TALDO1: variants seen among roughly 807,000 people sequenced by gnomAD.
The protein encoded by TALDO1 is transaldolase 1.
In TALDO1, 29 loss-of-function variants were observed where a neutral mutation model predicts 38.1. The ratio of observed to expected loss-of-function variants is 0.76; its 90% CI spans 0.57 to 1.04. TALDO1 has a LOEUF of 1.04. Among genes scored for constraint, TALDO1 ranks in the 50% least tolerant of loss-of-function variants. TALDO1 has a pLI of 0.00. For synonymous variants in TALDO1, 207 were observed against 176.8 expected, an observed-to-expected ratio of 1.17 and a Z score of -1.36; for missense variants, 499 against 438.1, an observed-to-expected ratio of 1.14 and a Z score of -1.24.
At chr11:747,930 G>A (rs1250153296) in intron 1 of TALDO1, among the ~76,000 whole-genome samples, 1 of 152,240 alleles carries the variant, frequency 6.6e-6, no homozygotes, top group Non-Finnish European at 1.5e-5. Context: ...GTCCTTGCGA[G>A]CCGTGGGGCA....
chr11:747,596 C>A lies in TALDO1; in HGVS notation c.97+18C>A. On this transcript the variant is annotated intron_variant, in intron 1 of 7. Coordinates refer to ENST00000319006, the MANE Select transcript of TALDO1 (RefSeq NM_006755.2). ...CTTCCACGGTGAGGACGGCGCGGAGCCCGGGCGCGGCGCAAGCGCCCTCCA... is the reference window on the plus strand; with the variant it reads ...CTTCCACGGTGAGGACGGCGCGGAGACCGGGCGCGGCGCAAGCGCCCTCCA... The A allele has an allele frequency of 6.4e-7, 1 of 1,552,120 alleles. No individual in the cohort carries two copies. Among genetic ancestry groups the A allele is most frequent in the Non-Finnish European group, 8.7e-7 (1 of 1,151,396 alleles).
In TALDO1 at chr11:760,774, C is replaced by T. The variant is rs183393019; in HGVS notation, c.461+521C>T. 8 of 169,258 alleles carry T rather than the reference C, an allele frequency of 4.7e-5. No homozygotes were observed. The East Asian group carries it at 4.8e-4, about 10-fold the overall frequency. The allele number at this position is 169,258 out of a possible 1,614,324, so 10.5% of individuals were successfully genotyped here. ...ATATAAAGAAATTTTAGGCTGGGCA[C>T]GGTGGCTCCCAGCACTTTGGGAGGC... On this transcript the variant is annotated intron_variant, in intron 4 of 7. Coordinates refer to ENST00000319006, the MANE Select transcript of TALDO1 (RefSeq NM_006755.2).
rs185335605 is a variant in TALDO1 at position 748,504 on chromosome 11, G to A, written c.97+926G>A. 2.0e-5 allele frequency among the ~76,000 whole-genome samples: 3 copies of A among 152,366 alleles called. No individual in the cohort carries two copies. The East Asian group carries it at 5.8e-4, about 29-fold the overall frequency. The stretch of plus-strand genomic sequence containing the variant: ...TGTGTCTATGTTTTGTTGAGAACAA[G>A]TAATATTTTTTAAGAAAATCATGAA... On this transcript the variant is annotated intron_variant, in intron 1 of 7. Transcript: ENST00000319006.
chr11:756,312 C>A, intron 2 of TALDO1: 1 of 376,930 alleles, frequency 2.7e-6, no homozygotes, highest in South Asian at 2.9e-5. Flanking sequence ...CTCCCCAGCT[C>A]TGGTAACACT....
Position 764,293 on chromosome 11 carries a change from GC to G in TALDO1, c.843del (p.Ser282ValfsTer39). 1 of 1,614,206 alleles carries G rather than the reference GC, an allele frequency of 6.2e-7. No homozygotes were observed. Among genetic ancestry groups the G allele is most frequent in the East Asian group, 2.2e-5 (1 of 44,890 alleles). Reference protein sequence around the residue: ...VPVLSAKAAQASDLEKIHLDE... With the variant: ...VPVLSAKAAQXSDLEKIHLDE... Reference sequence around the variant, plus strand: ...GGCTGGTTCTTGTCCCCCAGCCCAAGCCAGTGACCTGGAAAAAATCCACCTG... The same window carrying G: ...GGCTGGTTCTTGTCCCCCAGCCCAAGCAGTGACCTGGAAAAAATCCACCTG... On this transcript the variant is annotated frameshift_variant, in exon 7 of 8. Coordinates refer to ENST00000319006, the MANE Select transcript of TALDO1 (RefSeq NM_006755.2). LOFTEE classifies it high-confidence loss of function.
At chr11:764,102 A>G in intron 6 of TALDO1, 158 bp downstream of exon 6, 2 of 1,343,702 alleles carry the variant, frequency 1.5e-6, no homozygotes, top group South Asian at 1.3e-5. Context: ...CTTTCCTAAC[A>G]CATCTCACTC....
intron 1 of TALDO1, among the ~76,000 whole-genome samples, chr11:749,568 C>G (rs775679547): frequency 5.9e-5 from 9 of 152,230 alleles, no homozygotes; most frequent in Admixed American, 2.6e-4. Flanking sequence ...AGGTTCTTAA[C>G]TCCTTGTGGG....
intron 7 of TALDO1, 30 bp from the exon 8 acceptor site, chr11:764,783 A>G (rs1294644730): frequency 4.3e-6 from 7 of 1,614,146 alleles, no homozygotes; most frequent in Non-Finnish European, 5.9e-6. Context: ...TAGGGTGGGG[A>G]GACACAGCTC....
intron 4 of TALDO1, chr11:761,087 A>G (rs999369698): frequency 6.6e-6 from 1 of 151,886 alleles, no homozygotes; most frequent in Non-Finnish European, 1.5e-5. Flanking sequence ...TAATCCTAGC[A>G]CTCTGGAAGC....
At chr11:762,632 G>A (rs1295530220) in intron 4 of TALDO1, among the ~76,000 whole-genome samples, 1 of 152,366 alleles carries the variant, frequency 6.6e-6, no homozygotes, top group Admixed American at 6.5e-5. Context: ...TGGCAGAGGC[G>A]CCTGGGGAGG....
At chr11:753,773 G>T (rs560492306) in intron 1 of TALDO1, among the ~76,000 whole-genome samples, 1 of 151,850 alleles carries the variant, frequency 6.6e-6, no homozygotes, top group African/African-American at 2.4e-5. Flanking sequence ...CAGGCATCAT[G>T]GTGTGAGCCT....
chr11:763,930 T>G lies in TALDO1; in HGVS notation c.821T>G (p.Leu274Arg). ...GACAACGCCAAGCTGGTGCCTGTGC[T>G]CTCAGCCAAGGCGGGTGAGGCCCCA... is the stretch of plus-strand genomic sequence containing the variant. ...LQDNAKLVPV[L>R]SAKAAQASDL... Residue 274 changes from leucine to arginine, a missense_variant, in exon 6 of 8, where the codon CTC (leucine) becomes CGC (arginine). Transcript: ENST00000319006. 3 of 1,610,214 alleles carry G rather than the reference T, an allele frequency of 1.9e-6. No homozygotes were observed. The highest frequency in any genetic ancestry group is 2.5e-6 in the Non-Finnish European group (3 of 1,179,848).
chr11:757,573 C>T (rs1057053128), intron 2 of TALDO1, among the ~76,000 whole-genome samples: 2 of 152,144 alleles, frequency 1.3e-5, no homozygotes, highest in Middle Eastern at 3.2e-3. Context: ...TGATTACAGG[C>T]GTGAGCCACT....
At chr11:764,524 T>C (rs1039660299) in intron 7 of TALDO1, 91 bp downstream of exon 7, 39 of 1,554,492 alleles carry the variant, frequency 2.5e-5, no homozygotes, top group African/African-American at 2.3e-4. Flanking sequence ...AGTTAAAACT[T>C]TGGTGAGACC....
At chr11:763,297 T>TCCCCGCCCTCACC (rs1564994141) in intron 4 of TALDO1, 47 bp from the exon 5 acceptor site, 8 of 321,068 alleles carry the variant, frequency 2.5e-5, no homozygotes, top group African/African-American at 1.0e-4. Flanking sequence ...CGCCCTCACC[T>TCCCCGCCCTCACC]GTCCCCGCCC....
chr11:759,157 T>G, intron 3 of TALDO1, 100 bp downstream of exon 3: 1 of 1,035,786 alleles, frequency 9.7e-7, no homozygotes, highest in Non-Finnish European at 1.5e-6. Context: ...ACCCATGGTC[T>G]TCATCCCAAG....
At chr11:764,068 A>G in intron 6 of TALDO1, 124 bp downstream of exon 6, 1 of 1,363,646 alleles carries the variant, frequency 7.3e-7, no homozygotes, top group Non-Finnish European at 1.0e-6. Flanking sequence ...ATGAGGGTGA[A>G]GTAGACCTCA....
intron 1 of TALDO1, among the ~76,000 whole-genome samples, chr11:754,181 C>T (rs190229484): frequency 2.0e-5 from 3 of 151,822 alleles, no homozygotes; most frequent in Admixed American, 6.6e-5. Context: ...GACAGGGTTT[C>T]GCCGTGTTAG....
chr11:764,224 G>C (rs534464317), intron 6 of TALDO1, 64 bp from the exon 7 acceptor site: 93 of 1,613,106 alleles, frequency 5.8e-5, no homozygotes, highest in Non-Finnish European at 7.7e-5. Context: ...CAGGCCCTGA[G>C]CCCAAGGGGC....
Sources: allele counts gnomAD v4.1 joint callset (sites outside exome capture counted in the v4.1 genomes callset), GRCh38; gene constraint gnomAD v4.1.1; transcripts MANE v1.5; gene names NCBI Gene and HGNC (gene_info 2026-07-23, HGNC 2026-07-21).